RBFOX1: variants seen among roughly 807,000 people sequenced by gnomAD.
RBFOX1 encodes the protein RNA binding fox-1 homolog 1, also known as RNA binding protein fox-1 homolog 1.
A neutral mutation model predicts 57.7 loss-of-function variants in RBFOX1; 8 were observed. The observed-to-expected ratio is 0.14, with a 90% CI of 0.08 to 0.25. The LOEUF is 0.25. Ranked by LOEUF, RBFOX1 falls within the 10% of genes least tolerant of loss-of-function variation. RBFOX1 has a pLI of 1.00. For missense variants in RBFOX1, 611 were observed against 548.5 expected (o/e 1.11, Z -1.14); for synonymous variants, 326 against 222.4 (o/e 1.47, Z -4.15).
intron 2 of RBFOX1, among the ~76,000 whole-genome samples, chr16:6,454,912 C>G (rs1199787095): frequency 7.7e-6 from 1 of 130,142 alleles, no homozygotes; most frequent in Non-Finnish European, 1.6e-5. Flanking sequence ...GAGTTGGCGT[C>G]TCGCCCTGTC....
At chr16:7,220,384 G>C (rs1357085973) in intron 4 of RBFOX1, among the ~76,000 whole-genome samples, 1 of 152,152 alleles carries the variant, frequency 6.6e-6, no homozygotes, top group Non-Finnish European at 1.5e-5. Flanking sequence ...TACTTAATCT[G>C]TTGTTGCTCA....
intron 3 of RBFOX1, among the ~76,000 whole-genome samples, chr16:6,782,602 G>C (rs1171638445): frequency 6.6e-6 from 1 of 152,058 alleles, no homozygotes; most frequent in Non-Finnish European, 1.5e-5. Flanking sequence ...TACCTGCTAT[G>C]ATTTGGATTT....
chr16:7,410,313 A>C (rs555211660), intron 4 of RBFOX1, among the ~76,000 whole-genome samples: 159 of 152,356 alleles, frequency 1.0e-3, no homozygotes, highest in African/African-American at 3.7e-3. Context: ...TTGACAAATA[A>C]GGATGCTGAG....
chr16:6,644,032 A>G (rs946467505), intron 2 of RBFOX1, among the ~76,000 whole-genome samples: 2 of 152,164 alleles, frequency 1.3e-5, no homozygotes, highest in Non-Finnish European at 2.9e-5. Context: ...AGGCTGAGGC[A>G]GGAGAATCGT....
At chr16:7,254,512 A>G (rs1382439117) in intron 4 of RBFOX1, among the ~76,000 whole-genome samples, 12 of 151,766 alleles carry the variant, frequency 7.9e-5, no homozygotes, top group Admixed American at 4.6e-4. Context: ...TTTTTTATCA[A>G]TATATGCCCA....
chr16:5,744,945 G>T (rs1356316212), intron 3 of RBFOX1, among the ~76,000 whole-genome samples: 1 of 151,800 alleles, frequency 6.6e-6, no homozygotes, highest in East Asian at 1.9e-4. Context: ...GCTAATTTTT[G>T]TATTTTTTTT....
At chr16:6,790,058 G>A (rs901179369) in intron 3 of RBFOX1, among the ~76,000 whole-genome samples, 1 of 147,414 alleles carries the variant, frequency 6.8e-6, no homozygotes, top group East Asian at 2.0e-4. Context: ...TTGAGATGGA[G>A]ATTTAATAAA....
At chr16:7,646,567 C>G (rs1279673700) in intron 11 of RBFOX1, among the ~76,000 whole-genome samples, 2 of 152,242 alleles carry the variant, frequency 1.3e-5, no homozygotes, top group Non-Finnish European at 2.9e-5. Context: ...CCCCCCTCAT[C>G]CATTCGGATG....
chr16:6,178,392 C>T (rs1299349956), intron 1 of RBFOX1, among the ~76,000 whole-genome samples: 2 of 151,780 alleles, frequency 1.3e-5, no homozygotes, highest in African/African-American at 4.8e-5. Context: ...GCCATGTTGA[C>T]CAGGCTGGAC....
chr16:7,582,208 C>G (rs1281665762), intron 6 of RBFOX1, among the ~76,000 whole-genome samples: 1 of 152,132 alleles, frequency 6.6e-6, no homozygotes, highest in Non-Finnish European at 1.5e-5. Context: ...GATTTTCAAG[C>G]AACTGACAAG....
chr16:7,005,055 C>G (rs538245915), intron 3 of RBFOX1, among the ~76,000 whole-genome samples: 1 of 152,048 alleles, frequency 6.6e-6, no homozygotes. Flanking sequence ...GAGGCAGGAG[C>G]ATTCCTTGAA....
intron 2 of RBFOX1, among the ~76,000 whole-genome samples, chr16:6,615,723 C>T (rs1227665136): frequency 6.6e-6 from 1 of 152,082 alleles, no homozygotes; most frequent in African/African-American, 2.4e-5. Flanking sequence ...CTTGTATTTC[C>T]CTCCTTTGAA....
At chr16:6,073,861 T>C (rs2095864549) in intron 1 of RBFOX1, among the ~76,000 whole-genome samples, 1 of 152,142 alleles carries the variant, frequency 6.6e-6, no homozygotes, top group Admixed American at 6.5e-5. Flanking sequence ...TTAAATGAAA[T>C]AGAAATTGGT....
rs2059419633 is a variant in RBFOX1 at position 5,947,297 on chromosome 16, A to AG, written c.351+79967dup. Among the ~76,000 whole-genome samples the AG allele has an allele frequency of 6.6e-6, 1 of 152,186 alleles. No individual in the cohort carries two copies. Among genetic ancestry groups the AG allele is most frequent in the South Asian group, 2.1e-4 (1 of 4,830 alleles). ...GAGGAGGTGGCCAAGCTGAGGTCAG[A>AG]GGGGGAGGTCAGATCGCCATCGAAT... On this transcript the variant is annotated intron_variant, in intron 4 of 19. Coordinates refer to the RBFOX1 transcript ENST00000641259. This position sits in a 1 kb window ranked among gnomAD's most constrained non-coding sequence, Gnocchi z 7.2.
chr16:5,293,708 C>G (rs572667804), intron 1 of RBFOX1, among the ~76,000 whole-genome samples: 63 of 148,328 alleles, frequency 4.2e-4, no homozygotes, highest in African/African-American at 1.1e-3. Context: ...ATAGGCAAAT[C>G]TATAGAGGCA....
At chr16:6,593,883 A>G (rs560405240) in intron 2 of RBFOX1, among the ~76,000 whole-genome samples, 1 of 152,304 alleles carries the variant, frequency 6.6e-6, no homozygotes, top group African/African-American at 2.4e-5. Flanking sequence ...AGATGTTTAA[A>G]GTGCTTGTCT....
intron 1 of RBFOX1, among the ~76,000 whole-genome samples, chr16:6,214,697 G>A (rs1472418377): frequency 8.1e-6 from 1 of 123,662 alleles, no homozygotes; most frequent in East Asian, 2.8e-4. Context: ...GAGAAGGAAA[G>A]GGGGAGAGGG....
intron 1 of RBFOX1, among the ~76,000 whole-genome samples, chr16:6,197,370 A>T (rs1024819337): frequency 1.1e-4 from 17 of 151,792 alleles, no homozygotes; most frequent in Admixed American, 1.1e-3. Context: ...TGAAATCAAT[A>T]CCCCTCCACC....
At chr16:7,312,090 G>A (rs923693634) in intron 4 of RBFOX1, among the ~76,000 whole-genome samples, 1 of 152,216 alleles carries the variant, frequency 6.6e-6, no homozygotes, top group African/African-American at 2.4e-5. Flanking sequence ...ATAAAGAAAT[G>A]AAGGAAGGGC....
Sources: gnomAD v4.1 joint callset for allele counts (sites outside exome capture counted in the v4.1 genomes callset) on GRCh38, gnomAD v4.1.1 for gene constraint, Gnocchi (gnomAD v3.1) non-coding constraint, MANE v1.5 for transcripts, NCBI Gene and HGNC (gene_info 2026-07-23, HGNC 2026-07-21) for gene names.